The following CACNG2 variants were observed in gnomAD, a reference collection of about 807,000 sequenced individuals.
CACNG2 encodes the protein voltage-dependent calcium channel gamma-2 subunit.
CACNG2 carries 3 observed loss-of-function variants against 25.9 expected under a neutral mutation model. The ratio of observed to expected loss-of-function variants is 0.12; its 90% CI spans 0.05 to 0.30. The LOEUF (loss-of-function observed/expected upper bound fraction) is 0.30. Among genes scored for constraint, CACNG2 ranks in the 10% least tolerant of loss-of-function variants. The probability of loss-of-function intolerance (pLI) is 1.00; values close to 1 mark genes in which losing one functional copy is unlikely to be tolerated. For missense variants in CACNG2, 341 were observed against 432.5 expected (o/e 0.79, Z 1.88); for synonymous variants, 167 against 173.3 (o/e 0.96, Z 0.29).
chr22:36,696,315 CTT>C (rs1277887602), intron 1 of CACNG2, among the ~76,000 whole-genome samples: 1 of 152,192 alleles, frequency 6.6e-6, no homozygotes, highest in Non-Finnish European at 1.5e-5. Context: ...TCCTCTCTCT[CTT>C]TCTCTCCATC....
rs547690941 is a variant in CACNG2 at position 36,698,169 on chromosome 22, G to A, written c.211+4197C>T. Among the ~76,000 whole-genome samples the A allele has an allele frequency of 6.0e-5, 9 of 150,902 alleles. No homozygotes were observed. In the East Asian group the frequency reaches 1.2e-3, roughly 20 times the overall value. On this transcript the variant is annotated intron_variant, in intron 1 of 3. Coordinates refer to ENST00000300105, the MANE Select transcript of CACNG2 (RefSeq NM_006078.5). ...TCTCCTTTCTCTCCCTCTCTTCTTC[G>A]CCCTCTCTCCCCACTCTCCTCCCTC...
At position 36,589,908 on chromosome 22, in the gene CACNG2, G is replaced by A. The variant is rs1935560437; in HGVS notation, c.212-2360C>T. Among the ~76,000 whole-genome samples, 3 of 152,194 alleles carry A rather than the reference G, an allele frequency of 2.0e-5. 1 individual carries two copies. The highest frequency in any genetic ancestry group is 7.2e-5 in the African/African-American group (3 of 41,450). ...CCTATTGTTAAAATTACAAATCAGT[G>A]TATTTGAAAAGCACTTCGCAAAGCA... On this transcript the variant is annotated intron_variant, in intron 1 of 3. Coordinates refer to ENST00000300105, the MANE Select transcript of CACNG2 (RefSeq NM_006078.5).
rs867781627 is a variant in CACNG2 at position 36,591,184 on chromosome 22, C to T, written c.212-3636G>A. 5.7e-4 allele frequency among the ~76,000 whole-genome samples: 87 copies of T among 152,196 alleles called. 1 individual carries two copies. Among genetic ancestry groups the T allele is most frequent in the African/African-American group, 2.0e-3 (82 of 41,558 alleles). On this transcript the variant is annotated intron_variant, in intron 1 of 3. Coordinates refer to ENST00000300105, the MANE Select transcript of CACNG2 (RefSeq NM_006078.5). Reference sequence around the variant, plus strand: ...CCAGAGTAGCTGGAACTACAGGCGCCCGCCACTACGCCCGGCTAATTTTTT... The same window carrying T: ...CCAGAGTAGCTGGAACTACAGGCGCTCGCCACTACGCCCGGCTAATTTTTT...
chr22:36,578,339 CAG>C (rs1386300998), intron 2 of CACNG2, among the ~76,000 whole-genome samples: 1 of 135,832 alleles, frequency 7.4e-6, no homozygotes, highest in African/African-American at 2.9e-5. Flanking sequence ...GCCTGGGTGA[CAG>C]AGCGAGACTC....
At chr22:36,591,036 A>G (rs560961947) in intron 1 of CACNG2, among the ~76,000 whole-genome samples, 5 of 148,100 alleles carry the variant, frequency 3.4e-5, no homozygotes, top group African/African-American at 1.3e-4. Flanking sequence ...TGTTGGGGGG[A>G]GATATATTTT....
At chr22:36,659,265 C>T (rs575398493) in intron 1 of CACNG2, among the ~76,000 whole-genome samples, 25 of 152,128 alleles carry the variant, frequency 1.6e-4, no homozygotes, top group African/African-American at 5.8e-4. Context: ...GCACAAGCTC[C>T]GACCCTACCA....
At chr22:36,595,055 G>C (rs953354763) in intron 1 of CACNG2, among the ~76,000 whole-genome samples, 23 of 151,628 alleles carry the variant, frequency 1.5e-4, no homozygotes, top group African/African-American at 5.3e-4. Context: ...GTGTGTGCAT[G>C]TGTCTTTGTG....
In CACNG2 at chr22:36,594,215, G is replaced by T. The variant is rs192432634; in HGVS notation, c.212-6667C>A. Among the ~76,000 whole-genome samples the T allele has an allele frequency of 9.8e-5, 15 of 152,292 alleles. No homozygotes were observed. The East Asian group carries it at 2.9e-3, about 29-fold the overall frequency. On this transcript the variant is annotated intron_variant, in intron 1 of 3. Coordinates refer to ENST00000300105, the MANE Select transcript of CACNG2 (RefSeq NM_006078.5). ...GGTAGAGACTAAGGGCCAAGTGCCTGGCACTGGGATGGTAGAGGAAAATCT... is the reference window on the plus strand; with the variant it reads ...GGTAGAGACTAAGGGCCAAGTGCCTTGCACTGGGATGGTAGAGGAAAATCT...
rs1214292625 is a variant in CACNG2 at position 36,590,219 on chromosome 22, A to G, written c.212-2671T>C. ...ACTCATCCTTGGACCATTGGCTCCT[A>G]GCGCAGTGCCTGGCACAGAAGCAGG... On this transcript the variant is annotated intron_variant, in intron 1 of 3. Coordinates refer to ENST00000300105, the MANE Select transcript of CACNG2 (RefSeq NM_006078.5). Among the ~76,000 whole-genome samples the G allele has an allele frequency of 2.0e-5, 3 of 152,304 alleles. No individual in the cohort carries two copies. In the East Asian group the frequency reaches 5.8e-4, roughly 29 times the overall value.
At chr22:36,572,744 G>A (rs1935253232) in intron 2 of CACNG2, among the ~76,000 whole-genome samples, 1 of 152,086 alleles carries the variant, frequency 6.6e-6, no homozygotes. Flanking sequence ...TGGTGGGCTG[G>A]ATGGGCTGGA....
At chr22:36,590,844 G>A (rs753265914) in intron 1 of CACNG2, among the ~76,000 whole-genome samples, 45 of 151,812 alleles carry the variant, frequency 3.0e-4, no homozygotes, top group Non-Finnish European at 5.7e-4. Flanking sequence ...CCCTCCCTGT[G>A]CATCTCTGCC....
intron 1 of CACNG2, among the ~76,000 whole-genome samples, chr22:36,688,539 C>CAAAA (rs35964599): frequency 2.9e-5 from 2 of 70,110 alleles, no homozygotes; most frequent in Admixed American, 1.5e-4. Flanking sequence ...GACCCTGTCT[C>CAAAA]AAAAAAAAAA....
At chr22:36,675,075 T>C (rs912727247) in intron 1 of CACNG2, among the ~76,000 whole-genome samples, 8 of 152,136 alleles carry the variant, frequency 5.3e-5, no homozygotes, top group African/African-American at 1.9e-4. Flanking sequence ...TGGGACAGGG[T>C]TGCCCAGGCC....
intron 1 of CACNG2, among the ~76,000 whole-genome samples, chr22:36,684,603 G>A (rs1236430290): frequency 7.8e-5 from 10 of 128,468 alleles, no homozygotes; most frequent in Admixed American, 1.7e-4. Context: ...GCAACAGAGC[G>A]AGACCTTGTC....
intron 1 of CACNG2, among the ~76,000 whole-genome samples, chr22:36,648,095 A>AT (rs1936555258): frequency 3.9e-5 from 6 of 152,198 alleles, no homozygotes; most frequent in Admixed American, 3.9e-4. Flanking sequence ...TCAAACATGT[A>AT]TTTTTTGGTT....
At chr22:36,599,793 G>T (rs1264307967) in intron 1 of CACNG2, among the ~76,000 whole-genome samples, 2 of 152,212 alleles carry the variant, frequency 1.3e-5, no homozygotes, top group Non-Finnish European at 1.5e-5. Flanking sequence ...TTCGTAATGA[G>T]TGCATAGGCA....
chr22:36,631,416 T>C (rs1405995456), intron 1 of CACNG2, among the ~76,000 whole-genome samples: 3 of 152,132 alleles, frequency 2.0e-5, no homozygotes. Flanking sequence ...CCCACCTCTG[T>C]GTCAGCAGTG....
intron 2 of CACNG2, among the ~76,000 whole-genome samples, chr22:36,580,732 G>A (rs1169850055): frequency 6.6e-6 from 1 of 152,168 alleles, no homozygotes; most frequent in Non-Finnish European, 1.5e-5. Context: ...CACACAGTAG[G>A]TGCTTAATAC....
chr22:36,701,792 C>T (rs938033640), intron 1 of CACNG2, among the ~76,000 whole-genome samples: 1 of 152,100 alleles, frequency 6.6e-6, no homozygotes, highest in African/African-American at 2.4e-5. Flanking sequence ...ATAGACATTA[C>T]GAAATGCTCT....
Sources: gnomAD v4.1 joint callset for allele counts (sites outside exome capture counted in the v4.1 genomes callset) on GRCh38, gnomAD v4.1.1 for gene constraint, MANE v1.5 for transcripts, NCBI Gene and HGNC (gene_info 2026-07-23, HGNC 2026-07-21) for gene names.